RAB3GAP2: variants seen among roughly 807,000 people sequenced by gnomAD.
The protein encoded by RAB3GAP2 is rab3 GTPase-activating protein non-catalytic subunit.
Under a neutral mutation model 185.3 loss-of-function variants are expected in RAB3GAP2, and 87 were observed. That is an observed-to-expected ratio of 0.47 (90% CI 0.39 to 0.56). The LOEUF (loss-of-function observed/expected upper bound fraction) is 0.56, where lower values mean the gene tolerates loss of function less well. RAB3GAP2 is among the 20% of genes least tolerant of loss of function. The probability of loss-of-function intolerance (pLI) is 0.00; values close to 1 mark genes in which losing one functional copy is unlikely to be tolerated. For missense variants in RAB3GAP2, 1,492 were observed against 1,638.2 expected (o/e 0.91, Z 1.54); for synonymous variants, 554 against 576.1 (o/e 0.96, Z 0.55).
At position 220,184,107 on chromosome 1, in the gene RAB3GAP2, G is replaced by A; in HGVS notation, c.1927C>T (p.Leu643=). The A allele has an allele frequency of 1.2e-6, 2 of 1,608,506 alleles. No homozygotes were observed. Among genetic ancestry groups the A allele is most frequent in the Non-Finnish European group, 1.7e-6 (2 of 1,175,230 alleles). The change falls in exon 19 of 35, where the codon CTG becomes TTG. Residue 643 remains leucine, a synonymous_variant. Transcript: ENST00000358951. ...LQFCANKLKL[L]QLYESVSQLN... ...TGACTGACAGACTCATAGAGTTGCA[G>A]CAGTTTTAGTTTATTGGCACAAAAC...
At chr1:220,269,431 G>A (rs898940518) in intron 1 of RAB3GAP2, among the ~76,000 whole-genome samples, 1 of 152,206 alleles carries the variant, frequency 6.6e-6, no homozygotes, top group Non-Finnish European at 1.5e-5. Flanking sequence ...GTTATTAAAA[G>A]GGCAATGTTA....
intron 17 of RAB3GAP2, among the ~76,000 whole-genome samples, chr1:220,189,381 A>G (rs928112208): frequency 2.6e-5 from 4 of 151,660 alleles, no homozygotes; most frequent in Non-Finnish European, 5.9e-5. Flanking sequence ...TACTGACCCA[A>G]CTAATTTTTT....
intron 14 of RAB3GAP2, among the ~76,000 whole-genome samples, 165 bp from the exon 15 acceptor site, chr1:220,190,685 G>A (rs1297029793): frequency 6.6e-6 from 1 of 152,164 alleles, no homozygotes; most frequent in African/African-American, 2.4e-5. Flanking sequence ...GGCTCAACCA[G>A]CAGAGTTCTG....
At chr1:220,261,741 A>T (rs534446119) in intron 1 of RAB3GAP2, among the ~76,000 whole-genome samples, 2 of 152,238 alleles carry the variant, frequency 1.3e-5, no homozygotes, top group African/African-American at 4.8e-5. Context: ...TTAGAACTCA[A>T]ATCTTAAAAT....
intron 8 of RAB3GAP2, among the ~76,000 whole-genome samples, chr1:220,205,286 T>C (rs1375097857): frequency 6.6e-6 from 1 of 152,172 alleles, no homozygotes; most frequent in Non-Finnish European, 1.5e-5. Flanking sequence ...CATCCCTAAG[T>C]CACAAAATGT....
At chr1:220,179,960 G>C (rs1051239183) in intron 21 of RAB3GAP2, among the ~76,000 whole-genome samples, 1 of 152,000 alleles carries the variant, frequency 6.6e-6, no homozygotes, top group South Asian at 2.1e-4. Context: ...TCAAGAGATC[G>C]AGACCATCCT....
intron 6 of RAB3GAP2, 126 bp downstream of exon 6, chr1:220,210,675 C>T: frequency 8.9e-7 from 1 of 1,119,652 alleles, no homozygotes; most frequent in East Asian, 2.6e-5. Context: ...CCGGCCTCTA[C>T]CCCCATAAAG....
At chr1:220,251,633 T>C (rs1284827948) in intron 1 of RAB3GAP2, among the ~76,000 whole-genome samples, 1 of 152,236 alleles carries the variant, frequency 6.6e-6, no homozygotes, top group Non-Finnish European at 1.5e-5. Context: ...CATATTATGA[T>C]AATAAGTGTA....
At position 220,191,135 on chromosome 1, in the gene RAB3GAP2, T is replaced by C. The variant is rs1658610562; in HGVS notation, c.1420A>G (p.Ile474Val). 2 of 1,613,900 alleles carry C rather than the reference T, an allele frequency of 1.2e-6. No homozygotes were observed. The highest frequency in any genetic ancestry group is 1.7e-6 in the Non-Finnish European group (2 of 1,179,966). ...TGCTGTGTGCTCCACACTTCTAAAA[T>C]TCCCCTTCTTGGCGCATAGATCACA... ...FLVIYAPRRG[I>V]LEVWSTQQGP... The change falls in exon 14 of 35, where the codon ATT becomes GTT. Residue 474 changes from isoleucine to valine, a missense_variant. Coordinates refer to ENST00000358951, the MANE Select transcript of RAB3GAP2 (RefSeq NM_012414.4).
Position 220,151,174 on chromosome 1 carries a change from A to G in RAB3GAP2, c.*77T>C. ...AGACATACTTTTCCCATAAAATTCC[A>G]GGTCTTACTATGTAAAATAACCATG... On this transcript the variant is annotated 3_prime_UTR_variant, in exon 35 of 35. Transcript: ENST00000358951. 7.1e-7 allele frequency: 1 copy of G among 1,405,828 alleles called. No individual in the cohort carries two copies. The highest frequency in any genetic ancestry group is 1.2e-5 in the South Asian group (1 of 80,726). 87.1% of individuals were successfully genotyped at this position (1,405,828 alleles called of 1,614,324 possible). A position where few individuals can be genotyped will look rare whatever the true frequency, so the allele number is the denominator to read the frequency against.
intron 1 of RAB3GAP2, among the ~76,000 whole-genome samples, chr1:220,246,644 A>G (rs1263502498): frequency 3.6e-4 from 44 of 121,122 alleles, no homozygotes; most frequent in African/African-American, 1.4e-3. Flanking sequence ...ATTGGAAATC[A>G]TCATTCTCAG....
At chr1:220,205,811 C>CT in intron 8 of RAB3GAP2, 96 bp downstream of exon 8, 1 of 967,568 alleles carries the variant, frequency 1.0e-6, no homozygotes, top group South Asian at 1.5e-5. Flanking sequence ...TTCAGAAGGC[C>CT]TTTTTTATTT....
chr1:220,173,194 TA>T (rs887890299), intron 21 of RAB3GAP2, among the ~76,000 whole-genome samples: 4 of 152,192 alleles, frequency 2.6e-5, no homozygotes, highest in African/African-American at 9.7e-5. Flanking sequence ...AGCAAGTACA[TA>T]AAAGTATCAA....
intron 26 of RAB3GAP2, 47 bp downstream of exon 26, chr1:220,167,246 T>C (rs1450663182): frequency 3.3e-6 from 5 of 1,525,948 alleles, no homozygotes; most frequent in Middle Eastern, 1.7e-4. Flanking sequence ...ATGAATAGCA[T>C]GAACACAGAA....
At chr1:220,206,109 C>A in intron 7 of RAB3GAP2, 103 bp from the exon 8 acceptor site, 1 of 742,938 alleles carries the variant, frequency 1.3e-6, no homozygotes, top group South Asian at 1.8e-5. Flanking sequence ...CCACCCAACA[C>A]CCAAAGCAAT....
intron 1 of RAB3GAP2, among the ~76,000 whole-genome samples, chr1:220,238,496 T>C (rs1414619045): frequency 6.6e-6 from 1 of 152,202 alleles, no homozygotes; most frequent in Non-Finnish European, 1.5e-5. Flanking sequence ...CGGCTTCCTC[T>C]TCAGCAAAAA....
At chr1:220,214,093 A>G (rs1659137777) in intron 2 of RAB3GAP2, 114 bp from the exon 3 acceptor site, 2 of 1,034,946 alleles carry the variant, frequency 1.9e-6, no homozygotes, top group Non-Finnish European at 2.9e-6. Flanking sequence ...AATATTTCCA[A>G]TTCTCATACA....
intron 1 of RAB3GAP2, among the ~76,000 whole-genome samples, chr1:220,233,514 G>A (rs1035049502): frequency 1.3e-5 from 2 of 152,148 alleles, no homozygotes; most frequent in East Asian, 1.9e-4. Context: ...TTTTTACATA[G>A]TCATCTTTTA....
chr1:220,154,166 C>A, intron 31 of RAB3GAP2, 109 bp from the exon 32 acceptor site: 1 of 1,436,036 alleles, frequency 7.0e-7, no homozygotes, highest in Non-Finnish European at 9.4e-7. Context: ...TTTTATTTCT[C>A]CTTGAACAGT....
Sources: gnomAD v4.1 joint callset for allele counts (sites outside exome capture counted in the v4.1 genomes callset) on GRCh38, gnomAD v4.1.1 for gene constraint, MANE v1.5 for transcripts, NCBI Gene and HGNC (gene_info 2026-07-23, HGNC 2026-07-21) for gene names.